The following KLHDC4 variants were observed in gnomAD, a reference collection of about 807,000 sequenced individuals.
KLHDC4 encodes kelch domain containing 4.
Under a neutral mutation model 62.4 loss-of-function variants are expected in KLHDC4, and 90 were observed. The observed-to-expected ratio is 1.44, with a 90% CI of 1.22 to 1.72. The LOEUF is 1.72. Among genes scored for constraint, KLHDC4 ranks in the 40% most tolerant of loss-of-function variants. KLHDC4 has a pLI of 0.00. For missense variants in KLHDC4, 1,025 were observed against 699.7 expected, an observed-to-expected ratio of 1.47 and a Z score of -5.25; for synonymous variants, 386 against 284.4, an observed-to-expected ratio of 1.36 and a Z score of -3.59.
At chr16:87,738,495 G>C (rs990127103) in intron 5 of KLHDC4, among the ~76,000 whole-genome samples, 1 of 152,060 alleles carries the variant, frequency 6.6e-6, no homozygotes, top group Non-Finnish European at 1.5e-5. Context: ...CAGAAAAGTG[G>C]AAACAACCCA....
chr16:87,735,726 G>A (rs2041199360), intron 5 of KLHDC4, among the ~76,000 whole-genome samples: 2 of 152,186 alleles, frequency 1.3e-5, no homozygotes, highest in South Asian at 2.1e-4. Context: ...TAAATACGAA[G>A]TCTTAAAAAA....
intron 5 of KLHDC4, among the ~76,000 whole-genome samples, chr16:87,732,226 C>G (rs1041098555): frequency 6.6e-6 from 1 of 151,598 alleles, no homozygotes; most frequent in Non-Finnish European, 1.5e-5. Context: ...CTCCCAAGTA[C>G]CTGGGATTAC....
intron 7 of KLHDC4, among the ~76,000 whole-genome samples, chr16:87,718,259 T>C (rs1283137133): frequency 2.0e-5 from 3 of 150,378 alleles, no homozygotes; most frequent in African/African-American, 7.4e-5. Context: ...TCACGCAGTC[T>C]TTCCACAAAA....
At chr16:87,753,507 C>G (rs971358830) in intron 4 of KLHDC4, among the ~76,000 whole-genome samples, 2 of 152,094 alleles carry the variant, frequency 1.3e-5, no homozygotes, top group Non-Finnish European at 2.9e-5. Context: ...GTGAAAAAAT[C>G]CAGACACTCA....
rs1567627191 is a variant in KLHDC4, at chr16:87,700,649, A to AGAGGGAGGAGGGCAGAGGGCG, written c.*969_*989dup. On this transcript the variant is annotated 3_prime_UTR_variant, in exon 1 of 1. Coordinates refer to the KLHDC4 transcript ENST00000446344. ...GGGAGGAGGGAGAACGCTGGAGGGC[A>AGAGGGAGGAGGGCAGAGGGCG]GAGGGAGGAGGGCAGAGGGCGGAGG... is the stretch of plus-strand genomic sequence containing the variant. The AGAGGGAGGAGGGCAGAGGGCG allele has an allele frequency of 3.5e-3, 601 of 173,214 alleles. 24 individuals are homozygous for AGAGGGAGGAGGGCAGAGGGCG. The highest frequency in any genetic ancestry group is 0.022 in the African/African-American group (564 of 25,346). 10.7% of individuals were successfully genotyped at this position (173,214 alleles called of 1,614,324 possible). A position where few individuals can be genotyped will look rare whatever the true frequency, so the allele number is the denominator to read the frequency against.
intron 8 of KLHDC4, among the ~76,000 whole-genome samples, chr16:87,712,599 G>A (rs1202665625): frequency 6.6e-6 from 1 of 152,270 alleles, no homozygotes; most frequent in Non-Finnish European, 1.5e-5. Flanking sequence ...TGGGGTGTAG[G>A]CTGGAAAGTG....
intron 7 of KLHDC4, among the ~76,000 whole-genome samples, chr16:87,717,470 A>G (rs747616927): frequency 7.2e-5 from 11 of 152,220 alleles, no homozygotes; most frequent in Non-Finnish European, 1.5e-4. Context: ...TGAGTGTCCT[A>G]AAACTAAGAG....
chr16:87,726,835 G>A lies in KLHDC4; in HGVS notation c.689C>T (p.Pro230Leu). The A allele has an allele frequency of 6.2e-7, 1 of 1,612,886 alleles. No homozygotes were observed. The highest frequency in any genetic ancestry group is 8.5e-7 in the Non-Finnish European group (1 of 1,179,538). Reference protein sequence around the residue: ...KLSPSGTGPTPRSGCQMSVTP... With the variant: ...KLSPSGTGPTLRSGCQMSVTP... ...GACGGACATCTGGCAGCCTGATCTG[G>A]GTGTGGGCCCCGTCCCTGACGGGGA... Residue 230 changes from proline to leucine, a missense_variant, in exon 7 of 12, where the codon CCC becomes CTC. Pro to Leu is a moderately conservative substitution (Grantham distance 98, BLOSUM62 -3). Transcript: ENST00000270583.
rs1359283239 is a variant in KLHDC4 at position 87,730,647 on chromosome 16, A to C, written c.507-3T>G. 3.7e-6 allele frequency: 6 copies of C among 1,611,088 alleles called. No homozygotes were observed. Among genetic ancestry groups the C allele is most frequent in the Non-Finnish European group, 5.1e-6 (6 of 1,178,820 alleles). ...GACCCGAAGGACCGCCTGTTGATCT[A>C]AAATGAAATAAACAAAAAGACACTA... On this transcript the variant is annotated splice_region_variant and splice_polypyrimidine_tract_variant and intron_variant, in intron 5 of 11. Coordinates refer to ENST00000270583, the MANE Select transcript of KLHDC4 (RefSeq NM_017566.4).
intron 6 of KLHDC4, 65 bp downstream of exon 6, chr16:87,730,487 T>G: frequency 2.3e-6 from 3 of 1,329,520 alleles, no homozygotes; most frequent in Non-Finnish European, 3.2e-6. Context: ...CAGAATGCTC[T>G]TTCTATAAAA....
chr16:87,718,881 C>T (rs1340278500), intron 7 of KLHDC4, among the ~76,000 whole-genome samples: 3 of 151,632 alleles, frequency 2.0e-5, no homozygotes, highest in African/African-American at 7.3e-5. Flanking sequence ...GCCGCGACCC[C>T]GTCTGGGAAC....
intron 7 of KLHDC4, among the ~76,000 whole-genome samples, chr16:87,716,378 G>A (rs1373406448): frequency 3.9e-5 from 6 of 152,112 alleles, no homozygotes; most frequent in African/African-American, 9.7e-5. Flanking sequence ...GGATACTGAC[G>A]CAGAGTTCGG....
At chr16:87,738,405 T>G (rs2041714153) in intron 5 of KLHDC4, among the ~76,000 whole-genome samples, 1 of 151,918 alleles carries the variant, frequency 6.6e-6, no homozygotes, top group African/African-American at 2.4e-5. Flanking sequence ...AACCAAACAG[T>G]ACCGATCATC....
At chr16:87,756,166 C>A (rs190376866) in intron 3 of KLHDC4, 1 of 390,694 alleles carries the variant, frequency 2.6e-6, no homozygotes, top group East Asian at 4.0e-5. Flanking sequence ...GACGGCAGAG[C>A]TGGGCCTCAG....
At chr16:87,711,078 C>T (rs928484093) in intron 9 of KLHDC4, 157 bp downstream of exon 9, 1 of 665,118 alleles carries the variant, frequency 1.5e-6, no homozygotes, top group African/African-American at 1.8e-5. Context: ...CAAGCCTAGT[C>T]ACCCAGGACA....
intron 4 of KLHDC4, among the ~76,000 whole-genome samples, chr16:87,752,604 G>A (rs1377981669): frequency 6.6e-6 from 1 of 151,824 alleles, no homozygotes; most frequent in Non-Finnish European, 1.5e-5. Flanking sequence ...CAAAGTGCTG[G>A]GATTACAGGC....
intron 5 of KLHDC4, among the ~76,000 whole-genome samples, chr16:87,738,191 G>C (rs940544309): frequency 1.3e-5 from 2 of 152,168 alleles, no homozygotes; most frequent in African/African-American, 4.8e-5. Flanking sequence ...TAGCTAACTC[G>C]TTGCGGTCCT....
In KLHDC4 at chr16:87,711,354, T is replaced by C. The variant is rs1184511069; in HGVS notation, c.925A>G (p.Thr309Ala). The stretch of plus-strand genomic sequence containing the variant: ...TCACAGACACCCCCGAAGAACAGTG[T>C]CTGGTGATTCGGGGCCATGGCCACG... Reference protein sequence around the residue: ...FSVAMAPNHQTLFFGGVCDEE... With the variant: ...FSVAMAPNHQALFFGGVCDEE... Residue 309 changes from threonine to alanine, a missense_variant, in exon 9 of 12, where the codon ACA (threonine) becomes GCA (alanine). Coordinates refer to ENST00000270583, the MANE Select transcript of KLHDC4 (RefSeq NM_017566.4). 2 of 1,613,846 alleles carry C rather than the reference T, an allele frequency of 1.2e-6. No individual in the cohort carries two copies. The highest frequency in any genetic ancestry group is 1.3e-5 in the African/African-American group (1 of 75,026).
At chr16:87,744,933 G>A (rs1333384614) in intron 5 of KLHDC4, among the ~76,000 whole-genome samples, 8 of 152,100 alleles carry the variant, frequency 5.3e-5, no homozygotes, top group Admixed American at 4.6e-4. Context: ...GCATAGACAG[G>A]CACATGCACT....
Sources: gnomAD v4.1 joint callset for allele counts (sites outside exome capture counted in the v4.1 genomes callset) on GRCh38, gnomAD v4.1.1 for gene constraint, MANE v1.5 for transcripts, NCBI Gene and HGNC (gene_info 2026-07-23, HGNC 2026-07-21) for gene names.